Variants in GPR19 observed in about 807,000 individuals in gnomAD.
GPR19 encodes G protein-coupled receptor 19.
In GPR19, 14 loss-of-function variants were observed where a neutral mutation model predicts 28.5. The ratio of observed to expected loss-of-function variants is 0.49; its 90% confidence interval spans 0.32 to 0.77. The LOEUF (loss-of-function observed/expected upper bound fraction) is 0.77. GPR19 is among the 30% of genes least tolerant of loss of function. The probability of loss-of-function intolerance (pLI) is 0.03; values close to 1 mark genes in which losing one functional copy is unlikely to be tolerated. For synonymous variants in GPR19, 173 were observed against 184.1 expected (o/e 0.94, Z 0.49); for missense variants, 409 against 504.1 (o/e 0.81, Z 1.81).
intron 3 of GPR19, among the ~76,000 whole-genome samples, chr12:12,683,861 C>A (rs1946056577): frequency 1.3e-5 from 2 of 152,286 alleles, no homozygotes; most frequent in South Asian, 2.1e-4. Context: ...GAGCTGGGAA[C>A]AATCACAAGC....
intron 3 of GPR19, among the ~76,000 whole-genome samples, chr12:12,671,475 T>G (rs920808518): frequency 6.6e-6 from 1 of 152,158 alleles, no homozygotes; most frequent in East Asian, 1.9e-4. Flanking sequence ...ATAATATATA[T>G]AAGTATTCCT....
chr12:12,666,376 G>A (rs1945779400), intron 3 of GPR19, among the ~76,000 whole-genome samples: 1 of 152,188 alleles, frequency 6.6e-6, no homozygotes, highest in Non-Finnish European at 1.5e-5. Context: ...GTCCTTTACT[G>A]CAGCATTTTC....
chr12:12,679,820 T>C lies in GPR19; in HGVS notation c.-23+4531A>G, dbSNP rs559213112. On this transcript the variant is annotated intron_variant, in intron 3 of 3. Transcript: ENST00000651487. ...AAGTCACTTATAATCTGTGTAGCTG[T>C]TGGTAAATTATTTTACATGTTTGTG... 2.6e-5 allele frequency among the ~76,000 whole-genome samples: 4 copies of C among 152,314 alleles called. No homozygotes were observed. The South Asian group carries it at 8.3e-4, about 32-fold the overall frequency.
chr12:12,716,124 T>C, the GPR19 span, among the ~76,000 whole-genome samples: 1 of 152,202 alleles, frequency 6.6e-6, no homozygotes, highest in African/African-American at 2.4e-5. Flanking sequence ...CGTCCTACTT[T>C]ACCTTCCACC....
upstream of GPR19, among the ~76,000 whole-genome samples, chr12:12,696,401 G>A (rs894458302): frequency 3.7e-4 from 46 of 124,870 alleles, 1 homozygote; most frequent in South Asian, 3.8e-3. Flanking sequence ...TAGGATTAGT[G>A]CTGCAGTCAA....
intron 3 of GPR19, among the ~76,000 whole-genome samples, chr12:12,670,876 C>CA (rs76984132): frequency 0.29 from 43,916 of 152,058 alleles, 7,514 homozygotes; most frequent in Non-Finnish European, 0.39. Context: ...AATAAATAAA[C>CA]ACATTTTCTC....
chr12:12,671,386 C>T (rs1945853904), intron 3 of GPR19, among the ~76,000 whole-genome samples: 1 of 151,932 alleles, frequency 6.6e-6, no homozygotes, highest in Non-Finnish European at 1.5e-5. Flanking sequence ...AGCTTCTTTC[C>T]ACCACCTGAA....
At chr12:12,714,556 C>G in the GPR19 span, among the ~76,000 whole-genome samples, 1 of 152,188 alleles carries the variant, frequency 6.6e-6, no homozygotes, top group Admixed American at 6.5e-5. Flanking sequence ...AGGAAAACAG[C>G]AGTGAAAATG....
upstream of GPR19, among the ~76,000 whole-genome samples, chr12:12,697,176 AAGC>A (rs1565413600): frequency 2.0e-5 from 3 of 149,928 alleles, no homozygotes; most frequent in African/African-American, 7.4e-5. Flanking sequence ...AAAAAAAAAA[AAGC>A]AGCCATGCAA....
chr12:12,661,150 A>G lies in GPR19; in HGVS notation c.*51T>C. On this transcript the variant is annotated 3_prime_UTR_variant, in exon 4 of 4. Transcript: ENST00000651487. This position sits in a 1 kb window ranked among gnomAD's most constrained non-coding sequence, Gnocchi z 4.2. ...AAATATGTAAATAGCTTCTGTTTTT[A>G]TAGTTAAAGCTTTTTAATCTCTGGT... 1 of 1,274,944 alleles carries G rather than the reference A, an allele frequency of 7.8e-7. No homozygotes were observed. The highest frequency in any genetic ancestry group is 1.1e-6 in the Non-Finnish European group (1 of 920,426). The allele number at this position is 1,274,944 out of a possible 1,614,324, so 79.0% of individuals were successfully genotyped here. A position where few individuals can be genotyped will look rare whatever the true frequency, so the allele number is the denominator to read the frequency against.
chr12:12,693,072 C>A (rs939614889), intron 2 of GPR19, among the ~76,000 whole-genome samples: 8 of 152,110 alleles, frequency 5.3e-5, no homozygotes, highest in Non-Finnish European at 1.2e-4. Context: ...ATTTATAAAC[C>A]TAGAAACCAG....
intron 3 of GPR19, among the ~76,000 whole-genome samples, chr12:12,672,970 T>C (rs1425827008): frequency 1.3e-5 from 2 of 152,140 alleles, no homozygotes; most frequent in Admixed American, 6.5e-5. Flanking sequence ...AATAAACAGC[T>C]AAACAAATAA....
chr12:12,688,315 G>C (rs933653662), intron 2 of GPR19, among the ~76,000 whole-genome samples: 1 of 151,194 alleles, frequency 6.6e-6, no homozygotes, highest in African/African-American at 2.4e-5. Context: ...TGTTTAACCC[G>C]AATATAATCA....
chr12:12,681,599 G>A (rs539599093), intron 3 of GPR19, among the ~76,000 whole-genome samples: 3 of 152,274 alleles, frequency 2.0e-5, no homozygotes, highest in South Asian at 2.1e-4. Context: ...CTGCATGTGT[G>A]GGGGGCATGT....
chr12:12,662,906 C>G (rs1333591765), intron 3 of GPR19, among the ~76,000 whole-genome samples: 1 of 152,212 alleles, frequency 6.6e-6, no homozygotes, highest in Non-Finnish European at 1.5e-5. Flanking sequence ...AAGAGGAAAG[C>G]TTGGGCAGAT....
intron 3 of GPR19, among the ~76,000 whole-genome samples, chr12:12,680,011 T>A (rs1452610202): frequency 6.6e-6 from 1 of 152,144 alleles, no homozygotes; most frequent in Non-Finnish European, 1.5e-5. Context: ...TTATATGCAT[T>A]GAAAAAAAAT....
intron 3 of GPR19, among the ~76,000 whole-genome samples, chr12:12,680,393 G>C (rs1421142359): frequency 6.6e-6 from 1 of 152,206 alleles, no homozygotes; most frequent in Non-Finnish European, 1.5e-5. Flanking sequence ...TGCAGTGTCT[G>C]GGAGAGTATA....
At chr12:12,690,419 G>A (rs970478970) in intron 2 of GPR19, among the ~76,000 whole-genome samples, 4 of 152,200 alleles carry the variant, frequency 2.6e-5, no homozygotes, top group Non-Finnish European at 5.9e-5. Context: ...TTATGACTCA[G>A]AGGAAGTGCA....
At chr12:12,678,661 TTCTC>T (rs1436861007) in intron 3 of GPR19, among the ~76,000 whole-genome samples, 1 of 152,260 alleles carries the variant, frequency 6.6e-6, no homozygotes, top group Non-Finnish European at 1.5e-5. Flanking sequence ...GAAGATTTAT[TTCTC>T]TCTTTGGATA....
Sources: allele counts gnomAD v4.1 joint callset (sites outside exome capture counted in the v4.1 genomes callset), GRCh38; gene constraint gnomAD v4.1.1; non-coding constraint Gnocchi (gnomAD v3.1); transcripts MANE v1.5; gene names NCBI Gene and HGNC (gene_info 2026-07-23, HGNC 2026-07-21).